Variants in SLC37A1 observed in about 807,000 individuals in gnomAD.
SLC37A1 encodes glucose-6-phosphate exchanger SLC37A1.
Under a neutral mutation model 75.3 loss-of-function variants are expected in SLC37A1, and 49 were observed. The ratio of observed to expected loss-of-function variants is 0.65; its 90% CI spans 0.52 to 0.83. The LOEUF is 0.83. Among genes scored for constraint, SLC37A1 ranks in the 40% least tolerant of loss-of-function variants. The pLI is 0.00. For missense variants in SLC37A1, 566 were observed against 695.0 expected, an observed-to-expected ratio of 0.81 and a Z score of 2.09; for synonymous variants, 268 against 292.1, an observed-to-expected ratio of 0.92 and a Z score of 0.84.
At chr21:42,502,836 G>C (rs914321452) in intron 2 of SLC37A1, 13 of 152,234 alleles carry the variant, frequency 8.5e-5, no homozygotes, top group African/African-American at 2.9e-4. Flanking sequence ...CCACCCCACA[G>C]TGTCGCACAG....
intron 7 of SLC37A1, among the ~76,000 whole-genome samples, chr21:42,542,903 G>A (rs534683212): frequency 2.0e-5 from 3 of 152,386 alleles, no homozygotes; most frequent in African/African-American, 7.2e-5. Context: ...ATTTGTAAAT[G>A]GCTTTTATTT....
intron 3 of SLC37A1, among the ~76,000 whole-genome samples, chr21:42,526,773 C>G (rs2054806560): frequency 6.6e-6 from 1 of 152,184 alleles, no homozygotes; most frequent in African/African-American, 2.4e-5. Flanking sequence ...CCCTGATAAG[C>G]AAGAAACTTC....
At chr21:42,544,282 A>G (rs1775992531) in intron 8 of SLC37A1, among the ~76,000 whole-genome samples, 1 of 152,148 alleles carries the variant, frequency 6.6e-6, no homozygotes, top group Admixed American at 6.6e-5. Context: ...AGTTTAAACC[A>G]TATGGCAGGA....
chr21:42,517,459 A>G (rs2054542117), intron 1 of SLC37A1, among the ~76,000 whole-genome samples: 1 of 152,192 alleles, frequency 6.6e-6, no homozygotes, highest in South Asian at 2.1e-4. Context: ...TTTTTGTAAA[A>G]GGTGGTATAA....
chr21:42,561,446 G>A (rs2055825376), intron 11 of SLC37A1: 1 of 155,334 alleles, frequency 6.4e-6, no homozygotes. Flanking sequence ...AAGGCGGGAT[G>A]CGGTAGCCTG....
intron 1 of SLC37A1, among the ~76,000 whole-genome samples, chr21:42,516,131 A>AG (rs1229162328): frequency 2.0e-5 from 3 of 152,222 alleles, no homozygotes; most frequent in Non-Finnish European, 4.4e-5. Context: ...GGTAAGTTCC[A>AG]GGGGGGCCTG....
At chr21:42,501,836 A>G (rs1568973794) in intron 1 of SLC37A1, among the ~76,000 whole-genome samples, 2 of 152,220 alleles carry the variant, frequency 1.3e-5, no homozygotes, top group Admixed American at 6.5e-5. Context: ...TCTAGTTTTG[A>G]TGCTGCAGAT....
At chr21:42,579,915 T>A in intron 19 of SLC37A1, 115 bp downstream of exon 19, 2 of 934,364 alleles carry the variant, frequency 2.1e-6, no homozygotes, top group Non-Finnish European at 3.4e-6. Flanking sequence ...GTGGCTTATC[T>A]TTTCACGGCA....
intron 3 of SLC37A1, among the ~76,000 whole-genome samples, chr21:42,530,458 T>C (rs2054919763): frequency 6.6e-6 from 1 of 152,162 alleles, no homozygotes; most frequent in African/African-American, 2.4e-5. Flanking sequence ...GTAATTGCTC[T>C]TCCAGGACTT....
chr21:42,561,699 C>G (rs1426415672), intron 11 of SLC37A1: 1 of 207,652 alleles, frequency 4.8e-6, no homozygotes, highest in Non-Finnish European at 9.8e-6. Context: ...GGTTTTGATC[C>G]TGAACTCCAT....
chr21:42,530,681 G>A (rs1369509775), intron 3 of SLC37A1, among the ~76,000 whole-genome samples: 1 of 147,992 alleles, frequency 6.8e-6, no homozygotes, highest in African/African-American at 2.5e-5. Context: ...TGAAGGTGGA[G>A]TGAAACTGGC....
At chr21:42,540,387 G>A (rs1004038492) in intron 6 of SLC37A1, among the ~76,000 whole-genome samples, 1 of 152,168 alleles carries the variant, frequency 6.6e-6, no homozygotes, top group African/African-American at 2.4e-5. Flanking sequence ...AGCCTACAAA[G>A]GAAAACCTGC....
At chr21:42,518,759 C>T (rs922812949) in intron 2 of SLC37A1, among the ~76,000 whole-genome samples, 1 of 152,194 alleles carries the variant, frequency 6.6e-6, no homozygotes, top group Non-Finnish European at 1.5e-5. Flanking sequence ...AGTGGTTTCT[C>T]TAAGAACCAT....
At chr21:42,500,473 A>G (rs1265102594) in intron 1 of SLC37A1, among the ~76,000 whole-genome samples, 1 of 152,236 alleles carries the variant, frequency 6.6e-6, no homozygotes, top group Non-Finnish European at 1.5e-5. Context: ...TCATAATGAG[A>G]GTAGCATAGT....
In SLC37A1 at chr21:42,543,617, C is replaced by T. The variant is rs369554917; in HGVS notation, c.730+15C>T. On this transcript the variant is annotated intron_variant, in intron 8 of 19. Coordinates refer to ENST00000352133, the MANE Select transcript of SLC37A1 (RefSeq NM_001320537.2). ...CCTCATTGAACGTAAGTGCACGTGGCCTTGGAGACCACCCACCAAGGGAGG... is the reference window on the plus strand; with the variant it reads ...CCTCATTGAACGTAAGTGCACGTGGTCTTGGAGACCACCCACCAAGGGAGG... 1.3e-6 allele frequency: 2 copies of T among 1,572,442 alleles called. No homozygotes were observed. Among genetic ancestry groups the T allele is most frequent in the African/African-American group, 2.7e-5 (2 of 73,388 alleles).
intron 1 of SLC37A1, among the ~76,000 whole-genome samples, chr21:42,516,842 G>A (rs974696871): frequency 1.3e-5 from 2 of 152,166 alleles, no homozygotes; most frequent in African/African-American, 2.4e-5. Flanking sequence ...CTGACCATCC[G>A]TTTCCAGACA....
At chr21:42,526,001 C>T (rs551502602) in intron 3 of SLC37A1, 144 bp downstream of exon 3, 10 of 555,404 alleles carry the variant, frequency 1.8e-5, no homozygotes, top group South Asian at 1.2e-4. Context: ...TTTGGCTTTT[C>T]GGTTTCCCTT....
chr21:42,540,288 G>A (rs557027720), intron 6 of SLC37A1, among the ~76,000 whole-genome samples: 1 of 152,222 alleles, frequency 6.6e-6, no homozygotes, highest in East Asian at 1.9e-4. Flanking sequence ...TTGGCTCAGG[G>A]CCAGGGTTAG....
chr21:42,571,160 G>T (rs1474250608), intron 17 of SLC37A1, among the ~76,000 whole-genome samples: 1 of 152,144 alleles, frequency 6.6e-6, no homozygotes, highest in Non-Finnish European at 1.5e-5. Flanking sequence ...GCAAGACAAA[G>T]TACAGGCTCC....
Sources: allele counts gnomAD v4.1 joint callset (sites outside exome capture counted in the v4.1 genomes callset), GRCh38; gene constraint gnomAD v4.1.1; transcripts MANE v1.5; gene names NCBI Gene and HGNC (gene_info 2026-07-23, HGNC 2026-07-21).